Variants in DPP10 observed in about 807,000 individuals in gnomAD.
DPP10 encodes inactive dipeptidyl peptidase 10.
Under a neutral mutation model 120.9 loss-of-function variants are expected in DPP10, and 33 were observed. The observed-to-expected ratio is 0.27, with a 90% confidence interval of 0.21 to 0.37. The LOEUF (loss-of-function observed/expected upper bound fraction) is 0.37, where lower values mean the gene tolerates loss of function less well. DPP10 is among the 10% of genes least tolerant of loss of function. DPP10 has a pLI of 1.00. For synonymous variants in DPP10, 337 were observed against 326.1 expected, an observed-to-expected ratio of 1.03 and a Z score of -0.36; for missense variants, 816 against 942.8, an observed-to-expected ratio of 0.87 and a Z score of 1.76.
chr2:115,808,400 T>G (rs1156838756), intron 19 of DPP10, among the ~76,000 whole-genome samples: 1 of 152,164 alleles, frequency 6.6e-6, no homozygotes, highest in Non-Finnish European at 1.5e-5. Context: ...ATAGTCAGAT[T>G]TGGGTGGCTC....
intron 1 of DPP10, among the ~76,000 whole-genome samples, chr2:115,087,322 C>G (rs1708793501): frequency 6.6e-6 from 1 of 152,110 alleles, no homozygotes; most frequent in East Asian, 1.9e-4. Flanking sequence ...GGTTGAAGTC[C>G]TTTAATATTT....
chr2:115,060,198 AATTTAT>A (rs1031887913), intron 1 of DPP10, among the ~76,000 whole-genome samples: 2 of 148,864 alleles, frequency 1.3e-5, no homozygotes, highest in African/African-American at 4.9e-5. Context: ...GTGATAAAGA[AATTTAT>A]ATATATATAT....
intron 1 of DPP10, among the ~76,000 whole-genome samples, chr2:114,587,746 T>C (rs555195045): frequency 6.6e-6 from 1 of 152,322 alleles, no homozygotes; most frequent in African/African-American, 2.4e-5. Context: ...TCTTGCAATT[T>C]AGAGACATAA....
intron 4 of DPP10, among the ~76,000 whole-genome samples, chr2:115,515,994 T>A (rs1348328423): frequency 1.3e-5 from 2 of 152,106 alleles, no homozygotes; most frequent in Non-Finnish European, 2.9e-5. Context: ...ATCTTAGCAT[T>A]CTACACACTT....
intron 1 of DPP10, among the ~76,000 whole-genome samples, chr2:114,906,935 A>G (rs1331131844): frequency 6.6e-6 from 1 of 152,146 alleles, no homozygotes; most frequent in Admixed American, 6.5e-5. Context: ...AATTTTCTCT[A>G]GAATTTACTA....
intron 1 of DPP10, among the ~76,000 whole-genome samples, chr2:114,807,581 C>G (rs1684839849): frequency 1.3e-5 from 2 of 152,062 alleles, no homozygotes; most frequent in South Asian, 2.1e-4. Flanking sequence ...AATTTTCTAA[C>G]TTCTTTTAGA....
At chr2:115,362,009 TTGTG>T (rs1035217686) in intron 3 of DPP10, among the ~76,000 whole-genome samples, 16 of 16,882 alleles carry the variant, frequency 9.5e-4, no homozygotes, top group African/African-American at 2.1e-3. Context: ...TGTGTATGTT[TTGTG>T]TGTATGTTTT....
chr2:114,960,726 T>A (rs1414683483), intron 1 of DPP10, among the ~76,000 whole-genome samples: 1 of 152,106 alleles, frequency 6.6e-6, no homozygotes, highest in Admixed American at 6.6e-5. Flanking sequence ...AAGAAAATAC[T>A]CTATGCTATT....
intron 1 of DPP10, among the ~76,000 whole-genome samples, chr2:114,663,668 T>TATATATATATATATAGAGAGAGAGAG: frequency 3.7e-5 from 3 of 80,704 alleles, no homozygotes; most frequent in African/African-American, 2.8e-4. Flanking sequence ...TATATATATA[T>TATATATATATATATAGAGAGAGAGAG]AGAGAGAGAG....
intron 1 of DPP10, among the ~76,000 whole-genome samples, chr2:114,733,326 A>G (rs998970396): frequency 2.0e-5 from 3 of 152,126 alleles, no homozygotes; most frequent in African/African-American, 4.8e-5. Context: ...CTCAGCATCA[A>G]TGGATGATTA....
At chr2:115,697,168 G>T (rs1360526031) in intron 7 of DPP10, among the ~76,000 whole-genome samples, 2 of 151,850 alleles carry the variant, frequency 1.3e-5, no homozygotes, top group African/African-American at 2.4e-5. Context: ...GAAAATGAGG[G>T]TAACAAAAGA....
chr2:115,686,016 A>G (rs571497769), intron 5 of DPP10, among the ~76,000 whole-genome samples: 1 of 152,238 alleles, frequency 6.6e-6, no homozygotes, highest in African/African-American at 2.4e-5. Context: ...ATGCAGAATA[A>G]CAGAACAATT....
intron 3 of DPP10, among the ~76,000 whole-genome samples, chr2:115,461,415 A>G (rs1013062754): frequency 6.6e-6 from 1 of 152,180 alleles, no homozygotes; most frequent in African/African-American, 2.4e-5. Flanking sequence ...GTGCAGTTTC[A>G]GTTACACAGG....
intron 1 of DPP10, among the ~76,000 whole-genome samples, chr2:115,113,843 G>T (rs1183690950): frequency 2.6e-5 from 4 of 152,112 alleles, no homozygotes; most frequent in Non-Finnish European, 4.4e-5. Context: ...TTATTTAGCT[G>T]TTATTCTTTT....
At chr2:115,407,615 C>G (rs976764439) in intron 3 of DPP10, among the ~76,000 whole-genome samples, 1 of 151,714 alleles carries the variant, frequency 6.6e-6, no homozygotes, top group East Asian at 1.9e-4. Context: ...GAGGACAGCT[C>G]AAAAACCCGA....
intron 1 of DPP10, among the ~76,000 whole-genome samples, chr2:115,287,898 TTTTA>T (rs1409707679): frequency 6.6e-6 from 1 of 152,174 alleles, no homozygotes; most frequent in Non-Finnish European, 1.5e-5. Flanking sequence ...GGTATTTCCA[TTTTA>T]TTTATCCACT....
chr2:115,441,896 A>G (rs1193127283), intron 3 of DPP10, among the ~76,000 whole-genome samples: 1 of 145,328 alleles, frequency 6.9e-6, no homozygotes, highest in Non-Finnish European at 1.5e-5. Flanking sequence ...GCTCACTTCA[A>G]CCTCCACTTC....
rs185990360 is a variant in DPP10 at position 114,752,615 on chromosome 2, T to C, written c.60+309777T>C. On this transcript the variant is annotated intron_variant, in intron 1 of 25. Coordinates refer to ENST00000410059, the MANE Select transcript of DPP10 (RefSeq NM_020868.6). ...TTCTGTTCATAGCAGAGCTTCTCAC[T>C]GTGCTCACACTTGTGCAGGCATCAG... 5.3e-3 allele frequency among the ~76,000 whole-genome samples: 802 copies of C among 152,264 alleles called. 9 individuals carry two copies. Among genetic ancestry groups the C allele is most frequent in the African/African-American group, 0.018 (743 of 41,568 alleles).
rs188632945 is a variant in DPP10 at position 115,616,600 on chromosome 2, T to C, written c.442-73087T>C. 4.3e-3 allele frequency among the ~76,000 whole-genome samples: 650 copies of C among 152,258 alleles called. 5 individuals are homozygous for C. Among genetic ancestry groups the C allele is most frequent in the African/African-American group, 0.015 (618 of 41,570 alleles). ...CATTAGCAAAAATTAATTTTCAGTC[T>C]TTTTCTTATAGTTTGTCTTGGTAGC... On this transcript the variant is annotated intron_variant, in intron 5 of 25. Transcript: ENST00000410059.
Sources: allele counts gnomAD v4.1 joint callset (sites outside exome capture counted in the v4.1 genomes callset), GRCh38; gene constraint gnomAD v4.1.1; transcripts MANE v1.5; gene names NCBI Gene and HGNC (gene_info 2026-07-23, HGNC 2026-07-21).